Variants in PPIF observed in about 807,000 individuals in gnomAD.
The protein encoded by PPIF is peptidyl-prolyl cis-trans isomerase F, mitochondrial.
PPIF carries 23 observed loss-of-function variants against 20.2 expected under a neutral mutation model. The observed-to-expected ratio is 1.14, with a 90% confidence interval of 0.82 to 1.61. The LOEUF is 1.61. PPIF is among the 40% of genes most tolerant of loss of function. The probability of loss-of-function intolerance (pLI) is 0.00; values close to 1 mark genes in which losing one functional copy is unlikely to be tolerated. For missense variants in PPIF, 287 were observed against 291.6 expected, an observed-to-expected ratio of 0.98 and a Z score of 0.11; for synonymous variants, 113 against 123.1, an observed-to-expected ratio of 0.92 and a Z score of 0.54.
At chr10:79,352,446 GA>G in intron 5 of PPIF, 54 bp downstream of exon 5, 12 of 1,564,002 alleles carry the variant, frequency 7.7e-6, no homozygotes, top group Non-Finnish European at 1.1e-5. Flanking sequence ...GCAGCTGGAG[GA>G]GGATTCGTGC....
At chr10:79,352,288 G>A in intron 4 of PPIF, 29 bp from the exon 5 acceptor site, 1 of 1,606,422 alleles carries the variant, frequency 6.2e-7, no homozygotes. Flanking sequence ...TCCAGGGGCA[G>A]CGTGGCTCAG....
chr10:79,347,886 A>G, intron 1 of PPIF, 143 bp downstream of exon 1: 1 of 1,192,148 alleles, frequency 8.4e-7, no homozygotes, highest in Non-Finnish European at 1.0e-6. Flanking sequence ...CCCATTTCTG[A>G]GAATGGGCGT....
intron 1 of PPIF, among the ~76,000 whole-genome samples, chr10:79,348,065 CTAGATCCGGAGCTCCGAGG>C (rs1855924382): frequency 2.0e-5 from 3 of 152,134 alleles, no homozygotes; most frequent in Admixed American, 6.5e-5. Flanking sequence ...GGGGCTGAGC[CTAGATCCGGAGCTCCGAGG>C]TGGGTGTCGG....
In PPIF at chr10:79,354,777, C is replaced by T. The variant is rs75781151; in HGVS notation, c.*935C>T. ...ACTTGGAGCTGATCTTTACTGAGCT[C>T]GCCGTGGCAGATGCCATGCTCAGGA... is the stretch of plus-strand genomic sequence containing the variant. On this transcript the variant is annotated 3_prime_UTR_variant, in exon 6 of 6. Transcript: ENST00000225174. 8.5e-5 allele frequency: 13 copies of T among 152,766 alleles called. No individual in the cohort carries two copies. The East Asian group carries it at 1.5e-3, about 18-fold the overall frequency. 9.5% of individuals were successfully genotyped at this position (152,766 alleles called of 1,614,324 possible). A position where few individuals can be genotyped will look rare whatever the true frequency, so the allele number is the denominator to read the frequency against.
rs577108161 is a variant in PPIF at position 79,354,927 on chromosome 10, C to T, written c.*1085C>T. On this transcript the variant is annotated 3_prime_UTR_variant, in exon 6 of 6. Transcript: ENST00000225174. The stretch of plus-strand genomic sequence containing the variant: ...CATGAGCACTGGCTCCACCCTGAAT[C>T]CCAGCTCCTCCCCTTAGTGACCCCA... 1.3e-4 allele frequency: 20 copies of T among 152,562 alleles called. No individual in the cohort carries two copies. The highest frequency in any genetic ancestry group is 3.9e-4 in the African/African-American group (16 of 41,552). The allele number at this position is 152,562 out of a possible 1,614,324, so 9.5% of individuals were successfully genotyped here. A position where few individuals can be genotyped will look rare whatever the true frequency, so the allele number is the denominator to read the frequency against.
intron 4 of PPIF, 151 bp downstream of exon 4, chr10:79,351,734 C>A: frequency 1.5e-6 from 1 of 669,086 alleles, no homozygotes; most frequent in Non-Finnish European, 2.5e-6. Context: ...CTCAGCATTT[C>A]TGGCTTGTTG....
intron 1 of PPIF, among the ~76,000 whole-genome samples, chr10:79,348,093 G>A (rs568026623): frequency 6.6e-6 from 1 of 152,302 alleles, no homozygotes; most frequent in South Asian, 2.1e-4. Flanking sequence ...GGTGGGTGTC[G>A]GGGGTCTTGG....
intron 5 of PPIF, 66 bp from the exon 6 acceptor site, chr10:79,353,641 C>T (rs763512336): frequency 1.3e-5 from 21 of 1,611,698 alleles, no homozygotes; most frequent in Non-Finnish European, 1.7e-5. Flanking sequence ...AATTCCATGA[C>T]CAGGTCCATG....
rs1442340581 is a variant in PPIF, at chr10:79,352,351, C to G, written c.447C>G (p.Thr149=). 6.2e-7 allele frequency: 1 copy of G among 1,614,188 alleles called. No individual in the cohort carries two copies. The highest frequency in any genetic ancestry group is 8.5e-7 in the Non-Finnish European group (1 of 1,180,014). Residue 149 remains threonine (T), a synonymous_variant, in exon 5 of 6, where the codon ACC becomes ACG. Coordinates refer to ENST00000225174, the MANE Select transcript of PPIF (RefSeq NM_005729.4). The part of the protein sequence containing the change: ...VLSMANAGPN[T]NGSQFFICTI... The stretch of plus-strand genomic sequence containing the variant: ...CCATGGCTAATGCTGGTCCTAACAC[C>G]AACGGCTCCCAGTTCTTCATCTGCA...
chr10:79,353,995 C>A lies in PPIF; in HGVS notation c.*153C>A. 1 of 826,532 alleles carries A rather than the reference C, an allele frequency of 1.2e-6. No individual in the cohort carries two copies. The highest frequency in any genetic ancestry group is 1.9e-6 in the Non-Finnish European group (1 of 535,494). The allele number at this position is 826,532 out of a possible 1,614,324, so 51.2% of individuals were successfully genotyped here. On this transcript the variant is annotated 3_prime_UTR_variant, in exon 6 of 6. Transcript: ENST00000225174. ...GAAGGCTGCTAGGGATGTTAGACCT[C>A]GGCCAGGACCCACCACATTGCTTCC...
At chr10:79,351,451 C>T in intron 3 of PPIF, 36 bp from the exon 4 acceptor site, 1 of 1,606,766 alleles carries the variant, frequency 6.2e-7, no homozygotes, top group South Asian at 1.1e-5. Context: ...CCGCCTGCTC[C>T]ATGGTAGCCA....
In PPIF at chr10:79,347,490, C is replaced by G. The variant is rs541808149; in HGVS notation, c.-59C>G. The G allele has an allele frequency of 8.0e-6, 10 of 1,254,026 alleles. No homozygotes were observed. In the Admixed American group the frequency reaches 3.9e-4, roughly 48 times the overall value. The allele number at this position is 1,254,026 out of a possible 1,614,324, so 77.7% of individuals were successfully genotyped here. On this transcript the variant is annotated 5_prime_UTR_variant, in exon 1 of 6. Transcript: ENST00000225174. ...CGGGACTCGGCCTTCTGGGCGCGCG[C>G]GACGTCAGTTTGAGTTCTGTGTTCT... is the stretch of plus-strand genomic sequence containing the variant.
intron 5 of PPIF, 106 bp downstream of exon 5, chr10:79,352,498 TG>T (rs1035852309): frequency 8.8e-7 from 1 of 1,132,748 alleles, no homozygotes; most frequent in Admixed American, 1.8e-5. Context: ...CCTTCTGCTC[TG>T]GGACAGTGGC....
chr10:79,353,902 C>A lies in PPIF; in HGVS notation c.*60C>A. ...AAATGTCCATGCACCCAGGTGGCCG[C>A]GTTGGGCTGTCAGCCAAGGTGCCTG... On this transcript the variant is annotated 3_prime_UTR_variant, in exon 6 of 6. Transcript: ENST00000225174. The A allele has an allele frequency of 1.3e-6, 2 of 1,567,684 alleles. No homozygotes were observed. The highest frequency in any genetic ancestry group is 1.9e-4 in the Middle Eastern group (1 of 5,166).
intron 5 of PPIF, 22 bp downstream of exon 5, chr10:79,352,414 C>G: frequency 6.2e-7 from 1 of 1,607,790 alleles, no homozygotes; most frequent in East Asian, 2.2e-5. Context: ...GCCCCAGGCC[C>G]TCTGGGAATG....
Position 79,350,749 on chromosome 10 carries a change from A to G in PPIF, c.316-738A>G, listed in dbSNP as rs78120653. On this transcript the variant is annotated intron_variant, in intron 3 of 5. Coordinates refer to ENST00000225174, the MANE Select transcript of PPIF (RefSeq NM_005729.4). Reference sequence around the variant, plus strand: ...AGTCCTGAGTCATCCGTTGGGAGGGATATCAATTAGGGAGCACCTAATTGA... The same window carrying G: ...AGTCCTGAGTCATCCGTTGGGAGGGGTATCAATTAGGGAGCACCTAATTGA... 8.0e-3 allele frequency among the ~76,000 whole-genome samples: 1,215 copies of G among 152,308 alleles called. 16 individuals carry two copies. Among genetic ancestry groups the G allele is most frequent in the African/African-American group, 0.028 (1,153 of 41,564 alleles).
At chr10:79,353,666 T>C in intron 5 of PPIF, 41 bp from the exon 6 acceptor site, 1 of 1,614,016 alleles carries the variant, frequency 6.2e-7, no homozygotes, top group Non-Finnish European at 8.5e-7. Flanking sequence ...TGGATGACAT[T>C]GCGCTACACT....
At position 79,347,742 on chromosome 10, in the gene PPIF, A is replaced by T. The variant is rs753429277; in HGVS notation, c.194A>T (p.Glu65Val). 10 of 1,351,788 alleles carry T rather than the reference A, an allele frequency of 7.4e-6. No homozygotes were observed. The highest frequency in any genetic ancestry group is 3.3e-5 in the Admixed American group (1 of 30,424). 83.7% of individuals were successfully genotyped at this position (1,351,788 alleles called of 1,614,324 possible). ...AAGCCGCTCGGCCGCGTGGTGCTGGAGGTGAGACCGCTCGCAGGGCCGGCC... is the reference window on the plus strand; with the variant it reads ...AAGCCGCTCGGCCGCGTGGTGCTGGTGGTGAGACCGCTCGCAGGGCCGGCC... ...NGKPLGRVVL[E>V]LKADVVPKTA... The change falls in exon 1 of 6, where the codon GAG (glutamate) becomes GTG (valine). Residue 65 changes from glutamate (E) to valine (V), a missense_variant and splice_region_variant. Coordinates refer to ENST00000225174, the MANE Select transcript of PPIF (RefSeq NM_005729.4).
Position 79,353,891 on chromosome 10 carries a change from C to G in PPIF, c.*49C>G, listed in dbSNP as rs895342757. The G allele has an allele frequency of 6.3e-7, 1 of 1,594,818 alleles. No individual in the cohort carries two copies. The highest frequency in any genetic ancestry group is 8.6e-7 in the Non-Finnish European group (1 of 1,167,300). ...GTGGCAGCTGCAAATGTCCATGCAC[C>G]CAGGTGGCCGCGTTGGGCTGTCAGC... is the stretch of plus-strand genomic sequence containing the variant. On this transcript the variant is annotated 3_prime_UTR_variant, in exon 6 of 6. Transcript: ENST00000225174.
Sources: allele counts gnomAD v4.1 joint callset (sites outside exome capture counted in the v4.1 genomes callset), GRCh38; gene constraint gnomAD v4.1.1; transcripts MANE v1.5; gene names NCBI Gene and HGNC (gene_info 2026-07-23, HGNC 2026-07-21).